The following TLCD2 variants were observed in gnomAD, a reference collection of about 807,000 sequenced individuals.
The protein encoded by TLCD2 is TLC domain containing 2.
A neutral mutation model predicts 14.0 loss-of-function variants in TLCD2; 12 were observed. The ratio of observed to expected loss-of-function variants is 0.86; its 90% CI spans 0.55 to 1.39. TLCD2 has a LOEUF of 1.39. TLCD2 is among the 40% of genes most tolerant of loss of function. The probability of loss-of-function intolerance (pLI) is 0.00; values close to 1 mark genes in which losing one functional copy is unlikely to be tolerated. For synonymous variants in TLCD2, 166 were observed against 156.5 expected (o/e 1.06, Z -0.45); for missense variants, 360 against 346.8 (o/e 1.04, Z -0.30).
rs1331616266 is a variant in TLCD2 at position 1,710,215 on chromosome 17, C to T, written c.28G>A (p.Gly10Ser). 2 of 1,525,762 alleles carry T rather than the reference C, an allele frequency of 1.3e-6. No homozygotes were observed. The highest frequency in any genetic ancestry group is 1.7e-6 in the Non-Finnish European group (2 of 1,143,368). 94.5% of individuals were successfully genotyped at this position (1,525,762 alleles called of 1,614,324 possible). A position where few individuals can be genotyped will look rare whatever the true frequency, so the allele number is the denominator to read the frequency against. The stretch of plus-strand genomic sequence containing the variant: ...CCCCGGAACGCGAGGAAGGAGGCGC[C>T]GGCCACCAGGAGCCCCGTGGGCGCC... MAPTGLLVA[G>S]ASFLAFRGLH... The change falls in exon 1 of 4, where the codon GGC becomes AGC. Residue 10 changes from glycine to serine, a missense_variant. Transcript: ENST00000330676. This position sits in a 1 kb window ranked among gnomAD's most constrained non-coding sequence, Gnocchi z 6.1.
intron 1 of TLCD2, 23 bp from the exon 2 acceptor site, chr17:1,709,909 TGGG>T: frequency 1.8e-6 from 2 of 1,128,564 alleles, no homozygotes; most frequent in Non-Finnish European, 2.5e-6. Context: ...GGTGGGGACA[TGGG>T]GGGGGGCATG....
chr17:1,708,657 T>C (rs950704739), intron 3 of TLCD2, among the ~76,000 whole-genome samples: 1 of 152,006 alleles, frequency 6.6e-6, no homozygotes, highest in Non-Finnish European at 1.5e-5. Context: ...CAGGTAATTT[T>C]TGTATTTTTA....
At position 1,705,039 on chromosome 17, in the gene TLCD2, TTC is replaced by T. The variant is rs1483525246; in HGVS notation, c.*2729_*2730del. On this transcript the variant is annotated 3_prime_UTR_variant, in exon 4 of 4. Transcript: ENST00000330676. ...TTGTTCTGTGCTCTCCTCCTTTTTT[TTC>T]TCTCTGTGATTCTCTTTGTCAGCTC... 2 of 152,092 alleles carry T rather than the reference TTC, an allele frequency of 1.3e-5. No homozygotes were observed. The highest frequency in any genetic ancestry group is 2.1e-4 in the South Asian group (1 of 4,828). 9.4% of individuals were successfully genotyped at this position (152,092 alleles called of 1,614,324 possible). A position where few individuals can be genotyped will look rare whatever the true frequency, so the allele number is the denominator to read the frequency against.
rs1448642381 is a variant in TLCD2, at chr17:1,710,147, G to C, written c.96C>G (p.Ala32=). Residue 32 remains alanine, a synonymous_variant, in exon 1 of 4, where the codon GCC becomes GCG. Coordinates refer to ENST00000330676, the MANE Select transcript of TLCD2 (RefSeq NM_001164407.2). The surrounding 1 kb of genome is among the most constrained non-coding windows in gnomAD (Gnocchi z 6.1). ...GLRRLPTPES[A]ARDRWQWWNL... is the part of the protein sequence containing the mutation. ...TCCACCACTGCCAGCGGTCCCGAGC[G>C]GCCGATTCCGGCGTGGGCAGCCGCC... 2.0e-6 allele frequency: 3 copies of C among 1,533,304 alleles called. No individual in the cohort carries two copies. The highest frequency in any genetic ancestry group is 2.7e-5 in the African/African-American group (2 of 72,992). 95.0% of individuals were successfully genotyped at this position (1,533,304 alleles called of 1,614,324 possible). A position where few individuals can be genotyped will look rare whatever the true frequency, so the allele number is the denominator to read the frequency against.
chr17:1,707,973 C>G lies in TLCD2; in HGVS notation c.592G>C (p.Ala198Pro). Residue 198 changes from alanine (A) to proline (P), a missense_variant, in exon 4 of 4, where the codon GCT becomes CCT. Physicochemically the swap from Ala to Pro is conservative, Grantham distance 27. Transcript: ENST00000330676. ...LFRQHHQVPLALVTLGGIGLV... is the reference protein window; with the variant it reads ...LFRQHHQVPLPLVTLGGIGLV... Reference sequence around the variant, plus strand: ...CCAATTCCACCCAGGGTGACCAGAGCAAGAGGAACCTGGTGGTGCTGCCGG... The same window carrying G: ...CCAATTCCACCCAGGGTGACCAGAGGAAGAGGAACCTGGTGGTGCTGCCGG... 1 of 1,537,266 alleles carries G rather than the reference C, an allele frequency of 6.5e-7. No homozygotes were observed. The highest frequency in any genetic ancestry group is 8.7e-7 in the Non-Finnish European group (1 of 1,146,928).
In TLCD2 at chr17:1,707,810, G is replaced by T. The variant is rs1001899470; in HGVS notation, c.755C>A (p.Pro252His). 1.3e-6 allele frequency: 2 copies of T among 1,520,070 alleles called. No homozygotes were observed. Among genetic ancestry groups the T allele is most frequent in the African/African-American group, 2.7e-5 (2 of 72,866 alleles). The allele number at this position is 1,520,070 out of a possible 1,614,324, so 94.2% of individuals were successfully genotyped here. ...RGTRTRRDNG[P>H]VTSNSSTLSL... ...GAGAGTCGAACTGTTGCTGGTGACA[G>T]GTCCATTGTCACGACGTGTCCTGGT... Residue 252 changes from proline to histidine, a missense_variant, in exon 4 of 4, where the codon CCT becomes CAT. Transcript: ENST00000330676.
At position 1,706,805 on chromosome 17, in the gene TLCD2, GAA is replaced by G. The variant is rs1225499961; in HGVS notation, c.*963_*964del. 6.9e-6 allele frequency: 1 copy of G among 145,822 alleles called. No homozygotes were observed. The highest frequency in any genetic ancestry group is 1.5e-5 in the Non-Finnish European group (1 of 66,474). The allele number at this position is 145,822 out of a possible 1,614,324, so 9.0% of individuals were successfully genotyped here. A position where few individuals can be genotyped will look rare whatever the true frequency, so the allele number is the denominator to read the frequency against. ...AAAAAAAAAAAAAGAAAAGAAAAAA[GAA>G]AAGTCAAAAGATACTAAAAATAAAA... On this transcript the variant is annotated 3_prime_UTR_variant, in exon 4 of 4. Transcript: ENST00000330676.
rs1914000013 is a variant in TLCD2 at position 1,705,321 on chromosome 17, C to T, written c.*2449G>A. ...TCGTCCCCGCTCTTCTCTGTTCCCA[C>T]CTCTCCTCTTGCTCTTCTGATCTCT... On this transcript the variant is annotated 3_prime_UTR_variant, in exon 4 of 4. Coordinates refer to ENST00000330676, the MANE Select transcript of TLCD2 (RefSeq NM_001164407.2). 1 of 152,580 alleles carries T rather than the reference C, an allele frequency of 6.6e-6. No individual in the cohort carries two copies. The highest frequency in any genetic ancestry group is 2.4e-5 in the African/African-American group (1 of 41,452). The allele number at this position is 152,580 out of a possible 1,614,324, so 9.5% of individuals were successfully genotyped here.
chr17:1,707,891 T>C lies in TLCD2; in HGVS notation c.674A>G (p.Asp225Gly). 2 of 1,537,214 alleles carry C rather than the reference T, an allele frequency of 1.3e-6. No homozygotes were observed. The highest frequency in any genetic ancestry group is 2.4e-5 in the East Asian group (1 of 40,910). Residue 225 changes from aspartate (D) to glycine (G), a missense_variant, in exon 4 of 4, where the codon GAT becomes GGT. By Grantham distance (94) the Asp-to-Gly change is moderately conservative. Coordinates refer to ENST00000330676, the MANE Select transcript of TLCD2 (RefSeq NM_001164407.2). ...TGGATGGGGTCGAGACTGTAGGACA[T>C]CATTGACCAGAATACGGATCCCCAA... is the stretch of plus-strand genomic sequence containing the variant. ...IILGIRILVN[D>G]VLQSRPHPPS...
In TLCD2 at chr17:1,710,137, G is replaced by A. The variant is rs985949760; in HGVS notation, c.106C>T (p.Arg36Cys). 5.2e-6 allele frequency: 8 copies of A among 1,533,316 alleles called. No homozygotes were observed. The Admixed American group carries it at 5.9e-5, about 11-fold the overall frequency. 95.0% of individuals were successfully genotyped at this position (1,533,316 alleles called of 1,614,324 possible). The part of the protein sequence containing the change: ...LPTPESAARD[R>C]WQWWNLCVSL... ...ACGCAGAGGTTCCACCACTGCCAGC[G>A]GTCCCGAGCGGCCGATTCCGGCGTG... is the stretch of plus-strand genomic sequence containing the variant. The change falls in exon 1 of 4, where the codon CGC (arginine) becomes TGC (cysteine). Residue 36 changes from arginine (R) to cysteine (C), a missense_variant. Arg to Cys is a radical substitution (Grantham distance 180). Transcript: ENST00000330676. The surrounding 1 kb of genome is among the most constrained non-coding windows in gnomAD (Gnocchi z 6.1).
rs371950931 is a variant in TLCD2 at position 1,707,374 on chromosome 17, A to C, written c.*396T>G. The C allele has an allele frequency of 5.0e-6, 1 of 199,468 alleles. No homozygotes were observed. Among genetic ancestry groups the C allele is most frequent in the South Asian group, 1.5e-4 (1 of 6,700 alleles). The allele number at this position is 199,468 out of a possible 1,614,324, so 12.4% of individuals were successfully genotyped here. A position where few individuals can be genotyped will look rare whatever the true frequency, so the allele number is the denominator to read the frequency against. ...TTTTCTCTCTGTCCCCACCCGCCCC[A>C]TACCAGATCTCTCTGATCCTAGTGG... On this transcript the variant is annotated 3_prime_UTR_variant, in exon 4 of 4. Coordinates refer to ENST00000330676, the MANE Select transcript of TLCD2 (RefSeq NM_001164407.2).
In TLCD2 at chr17:1,702,824, A is replaced by G. The variant is rs756090143; in HGVS notation, c.*4946T>C. 2 of 152,252 alleles carry G rather than the reference A, an allele frequency of 1.3e-5. No homozygotes were observed. The highest frequency in any genetic ancestry group is 2.9e-5 in the Non-Finnish European group (2 of 68,042). The allele number at this position is 152,252 out of a possible 1,614,324, so 9.4% of individuals were successfully genotyped here. On this transcript the variant is annotated 3_prime_UTR_variant, in exon 4 of 4. Transcript: ENST00000330676. ...TGATGCAACTAATGCAATTATTTGC[A>G]TAGCAATTTATTAATTTATAATCAG... is the stretch of plus-strand genomic sequence containing the variant.
rs534864035 is a variant in TLCD2, at chr17:1,710,363, G to A, written c.-121C>T. 1.3e-4 allele frequency: 107 copies of A among 841,498 alleles called. No homozygotes were observed. Among genetic ancestry groups the A allele is most frequent in the Middle Eastern group, 1.1e-3 (3 of 2,676 alleles). 52.1% of individuals were successfully genotyped at this position (841,498 alleles called of 1,614,324 possible). A position where few individuals can be genotyped will look rare whatever the true frequency, so the allele number is the denominator to read the frequency against. ...GGGCCCCGGCTCCCCTCCCCGCCGCGCCTTTGGGATCAGCAGGAACTTTTC... is the reference window on the plus strand; with the variant it reads ...GGGCCCCGGCTCCCCTCCCCGCCGCACCTTTGGGATCAGCAGGAACTTTTC... On this transcript the variant is annotated 5_prime_UTR_variant, in exon 1 of 4. Transcript: ENST00000330676. This position sits in a 1 kb window ranked among gnomAD's most constrained non-coding sequence, Gnocchi z 6.1.
chr17:1,708,159 G>C lies in TLCD2; in HGVS notation c.406C>G (p.Leu136Val). 1.3e-6 allele frequency: 2 copies of C among 1,536,690 alleles called. No homozygotes were observed. The highest frequency in any genetic ancestry group is 1.7e-6 in the Non-Finnish European group (2 of 1,146,882). Residue 136 changes from leucine to valine, a missense_variant, in exon 4 of 4, where the codon CTG (leucine) becomes GTG (valine). Physicochemically the swap from Leu to Val is conservative, Grantham distance 32. Transcript: ENST00000330676. ...GHYVGFSMVS[L>V]LLELNSACLH... Reference sequence around the variant, plus strand: ...CAGGCAGAGTTCAGTTCCAGGAGCAGAGACACCATGGAGAAGCCCACGTAG... The same window carrying C: ...CAGGCAGAGTTCAGTTCCAGGAGCACAGACACCATGGAGAAGCCCACGTAG...
chr17:1,708,260 C>G (rs753348094), intron 3 of TLCD2, 38 bp from the exon 4 acceptor site: 3 of 1,446,060 alleles, frequency 2.1e-6, no homozygotes, highest in Non-Finnish European at 2.7e-6. Context: ...AACCCCATGA[C>G]CTGCCAGCCA....
At chr17:1,708,294 G>T in intron 3 of TLCD2, 72 bp from the exon 4 acceptor site, 1 of 1,215,064 alleles carries the variant, frequency 8.2e-7, no homozygotes, top group Non-Finnish European at 1.1e-6. Context: ...ACCCAGGCCT[G>T]AAGAAAGAGG....
chr17:1,707,740 C>T lies in TLCD2; in HGVS notation c.*30G>A, dbSNP rs1386760842. The T allele has an allele frequency of 6.9e-7, 1 of 1,455,616 alleles. No individual in the cohort carries two copies. Among genetic ancestry groups the T allele is most frequent in the East Asian group, 2.5e-5 (1 of 40,234 alleles). 90.2% of individuals were successfully genotyped at this position (1,455,616 alleles called of 1,614,324 possible). On this transcript the variant is annotated 3_prime_UTR_variant, in exon 4 of 4. Transcript: ENST00000330676. The stretch of plus-strand genomic sequence containing the variant: ...CCTCATCTCCTTGTCCTGGCCCCAC[C>T]TCCCCCAGCGAGGGGCCCATGGCTT...
In TLCD2 at chr17:1,710,263, G is replaced by T; in HGVS notation, c.-21C>A. On this transcript the variant is annotated 5_prime_UTR_variant, in exon 1 of 4. Transcript: ENST00000330676. This position sits in a 1 kb window ranked among gnomAD's most constrained non-coding sequence, Gnocchi z 6.1. ...GCCATGGCCTGGCGGTTGGGGGGTTGCGGGGAGTCCGGGTCGGTCCCCTCG... is the reference window on the plus strand; with the variant it reads ...GCCATGGCCTGGCGGTTGGGGGGTTTCGGGGAGTCCGGGTCGGTCCCCTCG... 7 of 1,506,394 alleles carry T rather than the reference G, an allele frequency of 4.6e-6. No individual in the cohort carries two copies. The highest frequency in any genetic ancestry group is 6.2e-6 in the Non-Finnish European group (7 of 1,135,042). The allele number at this position is 1,506,394 out of a possible 1,614,324, so 93.3% of individuals were successfully genotyped here. A position where few individuals can be genotyped will look rare whatever the true frequency, so the allele number is the denominator to read the frequency against.
chr17:1,708,272 C>T lies in TLCD2; in HGVS notation c.343-50G>A, dbSNP rs952133032. On this transcript the variant is annotated intron_variant, in intron 3 of 3. Transcript: ENST00000330676. ...AGGAACCCCATGACCTGCCAGCCATCATGTCCCAATAACCCAGGCCTGAAG... is the reference window on the plus strand; with the variant it reads ...AGGAACCCCATGACCTGCCAGCCATTATGTCCCAATAACCCAGGCCTGAAG... The T allele has an allele frequency of 1.2e-5, 17 of 1,401,450 alleles. No homozygotes were observed. The Admixed American group carries it at 4.1e-4, about 34-fold the overall frequency. 86.8% of individuals were successfully genotyped at this position (1,401,450 alleles called of 1,614,324 possible).
Sources: allele counts gnomAD v4.1 joint callset (sites outside exome capture counted in the v4.1 genomes callset), GRCh38; gene constraint gnomAD v4.1.1; non-coding constraint Gnocchi (gnomAD v3.1); transcripts MANE v1.5; gene names NCBI Gene and HGNC (gene_info 2026-07-23, HGNC 2026-07-21).